Variants in RAP1GAP2 observed in about 807,000 individuals in gnomAD.
The protein encoded by RAP1GAP2 is RAP1 GTPase activating protein 2, also known as rap1 GTPase-activating protein 2.
RAP1GAP2 carries 27 observed loss-of-function variants against 95.0 expected under a neutral mutation model. The ratio of observed to expected loss-of-function variants is 0.28; its 90% CI spans 0.21 to 0.39. The LOEUF is 0.39. Among genes scored for constraint, RAP1GAP2 ranks in the 10% least tolerant of loss-of-function variants. The pLI is 1.00. For synonymous variants in RAP1GAP2, 373 were observed against 380.9 expected (o/e 0.98, Z 0.24); for missense variants, 771 against 970.0 (o/e 0.79, Z 2.72).
At position 2,958,599 on chromosome 17, in the gene RAP1GAP2, G is replaced by A. The variant is rs1444483530; in HGVS notation, c.201+805G>A. ...TATTATTATTATTATTATCCCCATA[G>A]GACAGGTGAGAAAATCGAGGCACAG... On this transcript the variant is annotated intron_variant, in intron 4 of 24. Transcript: ENST00000254695. Among the ~76,000 whole-genome samples the A allele has an allele frequency of 2.0e-5, 3 of 152,076 alleles. No homozygotes were observed. The East Asian group carries it at 5.8e-4, about 29-fold the overall frequency.
At position 3,005,847 on chromosome 17, in the gene RAP1GAP2, T is replaced by A; in HGVS notation, c.1273-108T>A. The A allele has an allele frequency of 1.9e-6, 2 of 1,063,092 alleles. No individual in the cohort carries two copies. The highest frequency in any genetic ancestry group is 2.5e-5 in the South Asian group (2 of 79,286). 65.9% of individuals were successfully genotyped at this position (1,063,092 alleles called of 1,614,324 possible). A position where few individuals can be genotyped will look rare whatever the true frequency, so the allele number is the denominator to read the frequency against. On this transcript the variant is annotated intron_variant, in intron 15 of 24. Transcript: ENST00000254695. This position sits in a 1 kb window ranked among gnomAD's most constrained non-coding sequence, Gnocchi z 5.2. Reference sequence around the variant, plus strand: ...ATGATCCGCTGTCGGAAGGGACTTTTCAGGGGTTCTCCCCATGGCCCCGGC... The same window carrying A: ...ATGATCCGCTGTCGGAAGGGACTTTACAGGGGTTCTCCCCATGGCCCCGGC...
Position 3,005,348 on chromosome 17 carries a change from CCATGA to C in RAP1GAP2, c.1201-19_1201-15del, listed in dbSNP as rs1300711073. ...CTCGTCTCTTCCCTCCAGGTCCGTA[CCATGA>C]CTCTGTTTCACTCAGGTCTCTGTCA... On this transcript the variant is annotated splice_polypyrimidine_tract_variant and intron_variant, in intron 14 of 24. Coordinates refer to ENST00000254695, the MANE Select transcript of RAP1GAP2 (RefSeq NM_015085.5). This position sits in a 1 kb window ranked among gnomAD's most constrained non-coding sequence, Gnocchi z 5.2. 1 of 1,611,256 alleles carries C rather than the reference CCATGA, an allele frequency of 6.2e-7. No individual in the cohort carries two copies.
chr17:3,026,374 C>T lies in RAP1GAP2; in HGVS notation c.1890C>T (p.Asn630=), dbSNP rs139716727. 1,688 of 1,551,994 alleles carry T rather than the reference C, an allele frequency of 1.1e-3. 3 individuals are homozygous for T. Among genetic ancestry groups the T allele is most frequent in the Admixed American group, 3.0e-3 (154 of 51,062 alleles). ...GGCCCTTCATGAAGTTGAAGGAAAA[C>T]GGCCGTGCCATCTCCCGCTCCTCCT... ...KEKPFMKLKE[N]GRAISRSSSS... The change falls in exon 21 of 25, where the codon AAC becomes AAT. Residue 630 remains asparagine, a synonymous_variant. Coordinates refer to ENST00000254695, the MANE Select transcript of RAP1GAP2 (RefSeq NM_015085.5).
intron 3 of RAP1GAP2, among the ~76,000 whole-genome samples, chr17:2,938,652 T>A (rs894729078): frequency 6.6e-5 from 10 of 152,096 alleles, no homozygotes; most frequent in African/African-American, 2.4e-4. Flanking sequence ...TAATTTTTTT[T>A]AAAACAGAGT....
At chr17:3,019,739 G>A (rs574575577) in intron 18 of RAP1GAP2, among the ~76,000 whole-genome samples, 1 of 152,322 alleles carries the variant, frequency 6.6e-6, no homozygotes, top group South Asian at 2.1e-4. Context: ...CCATCCTGTG[G>A]ATGAGGAGAC....
chr17:2,944,270 C>T (rs2043626907), intron 3 of RAP1GAP2, among the ~76,000 whole-genome samples: 1 of 151,396 alleles, frequency 6.6e-6, no homozygotes, highest in South Asian at 2.1e-4. Flanking sequence ...TAAATTGGTG[C>T]AGCCGCTATG....
intron 2 of RAP1GAP2, among the ~76,000 whole-genome samples, chr17:2,893,619 C>T (rs1215761298): frequency 6.6e-6 from 1 of 152,240 alleles, no homozygotes; most frequent in East Asian, 1.9e-4. Context: ...TAGCCCACAC[C>T]TTGTGACTCC....
intron 2 of RAP1GAP2, among the ~76,000 whole-genome samples, chr17:2,874,645 T>C (rs2073009012): frequency 6.6e-6 from 1 of 152,146 alleles, no homozygotes; most frequent in South Asian, 2.1e-4. Context: ...AGCCTGGGGC[T>C]GGATTCTGGA....
intron 1 of RAP1GAP2, among the ~76,000 whole-genome samples, chr17:2,759,008 C>T (rs1427861342): frequency 6.6e-6 from 1 of 151,930 alleles, no homozygotes; most frequent in East Asian, 1.9e-4. Context: ...CTAACTTTTA[C>T]ATCTTTTTTT....
rs1169922962 is a variant in RAP1GAP2, at chr17:2,810,522, C to CTTTT, written c.80+9995_80+9998dup. The stretch of plus-strand genomic sequence containing the variant: ...GCTATCCCTCCCCTGTCCCCCCACC[C>CTTTT]TTTTTTTTTTTTTTTTTTTTTTTTT... On this transcript the variant is annotated intron_variant, in intron 2 of 24. Transcript: ENST00000254695. 8.0e-3 allele frequency among the ~76,000 whole-genome samples: 552 copies of CTTTT among 69,408 alleles called. 126 individuals are homozygous for CTTTT. Among genetic ancestry groups the CTTTT allele is most frequent in the East Asian group, 0.037 (90 of 2,406 alleles). The allele number at this position is 69,408 out of a possible 152,430, so 45.5% of individuals were successfully genotyped here. A position where few individuals can be genotyped will look rare whatever the true frequency, so the allele number is the denominator to read the frequency against.
intron 1 of RAP1GAP2, among the ~76,000 whole-genome samples, chr17:2,798,719 T>C (rs968533121): frequency 1.3e-5 from 2 of 152,142 alleles, no homozygotes; most frequent in Admixed American, 6.5e-5. Flanking sequence ...AGGCCCAGCC[T>C]CACAGTCCTC....
chr17:2,953,443 T>A (rs771539207), intron 3 of RAP1GAP2, among the ~76,000 whole-genome samples: 23 of 152,034 alleles, frequency 1.5e-4, no homozygotes, highest in East Asian at 1.9e-4. Context: ...TCTTGGAGAG[T>A]GTCATATGTA....
intron 3 of RAP1GAP2, among the ~76,000 whole-genome samples, chr17:2,929,978 C>T (rs935967574): frequency 6.6e-6 from 1 of 152,246 alleles, no homozygotes; most frequent in Non-Finnish European, 1.5e-5. Context: ...CCGGAGCCAC[C>T]TGCTCACCCT....
chr17:2,995,250 C>T, intron 12 of RAP1GAP2, 87 bp from the exon 13 acceptor site: 1 of 1,471,934 alleles, frequency 6.8e-7, no homozygotes, highest in Non-Finnish European at 9.4e-7. Flanking sequence ...GTATCCTCTG[C>T]TGCGTATACT....
intron 2 of RAP1GAP2, among the ~76,000 whole-genome samples, chr17:2,858,787 C>T (rs777242949): frequency 6.6e-6 from 1 of 152,012 alleles, no homozygotes; most frequent in African/African-American, 2.4e-5. Context: ...GTGGCATGTG[C>T]CTTTGGTCCC....
At chr17:2,823,796 C>T (rs979842815) in intron 2 of RAP1GAP2, among the ~76,000 whole-genome samples, 3 of 152,124 alleles carry the variant, frequency 2.0e-5, no homozygotes, top group Admixed American at 6.6e-5. Flanking sequence ...AATTACTAAG[C>T]AAGCAGAATG....
In RAP1GAP2 at chr17:2,855,887, T is replaced by C. The variant is rs568017590; in HGVS notation, c.81-49397T>C. Among the ~76,000 whole-genome samples the C allele has an allele frequency of 3.9e-5, 6 of 152,358 alleles. No individual in the cohort carries two copies. In the East Asian group the frequency reaches 1.2e-3, roughly 29 times the overall value. On this transcript the variant is annotated intron_variant, in intron 2 of 24. Transcript: ENST00000254695. The surrounding 1 kb of genome is among the most constrained non-coding windows in gnomAD (Gnocchi z 4.3). ...CCTCGGCCTCTCAAAGTGCTGGGAT[T>C]ACAGGCATGAGCCACCGTGCCCGGC...
Position 2,797,747 on chromosome 17 carries a change from C to T in RAP1GAP2, c.44+1176C>T. ...TCGCCTGTGTCTGCTCTCGGGCCCT[C>T]CCTGACGCCTGGATCTGGGAGCTGC... On this transcript the variant is annotated intron_variant, in intron 1 of 24. Coordinates refer to ENST00000254695, the MANE Select transcript of RAP1GAP2 (RefSeq NM_015085.5). This position sits in a 1 kb window ranked among gnomAD's most constrained non-coding sequence, Gnocchi z 5.6. 8.1e-6 allele frequency: 8 copies of T among 985,358 alleles called. No individual in the cohort carries two copies. The highest frequency in any genetic ancestry group is 9.6e-6 in the Non-Finnish European group (8 of 829,910). 61.0% of individuals were successfully genotyped at this position (985,358 alleles called of 1,614,324 possible).
At chr17:2,779,798 T>TGGGGG in intron 1 of RAP1GAP2, among the ~76,000 whole-genome samples, 1 of 92,222 alleles carries the variant, frequency 1.1e-5, no homozygotes, top group Non-Finnish European at 2.3e-5. Context: ...GGCAGGGGGC[T>TGGGGG]GGGGGGGGGC....
Sources: gnomAD v4.1 joint callset for allele counts (sites outside exome capture counted in the v4.1 genomes callset) on GRCh38, gnomAD v4.1.1 for gene constraint, Gnocchi (gnomAD v3.1) non-coding constraint, MANE v1.5 for transcripts, NCBI Gene and HGNC (gene_info 2026-07-23, HGNC 2026-07-21) for gene names.